Variants in LRFN1 observed in about 807,000 individuals in gnomAD.
LRFN1 encodes the protein leucine rich repeat and fibronectin type III domain containing 1.
In LRFN1, 20 loss-of-function variants were observed where a neutral mutation model predicts 31.8. That is an observed-to-expected ratio of 0.63 (90% CI 0.44 to 0.91). LRFN1 has a LOEUF of 0.91. Ranked by LOEUF, LRFN1 falls within the 40% of genes least tolerant of loss-of-function variation. The pLI is 0.00. For missense variants in LRFN1, 912 were observed against 1,129.8 expected, an observed-to-expected ratio of 0.81 and a Z score of 2.76; for synonymous variants, 514 against 541.3, an observed-to-expected ratio of 0.95 and a Z score of 0.70.
chr19:39,314,220 A>C lies in LRFN1; in HGVS notation c.1117T>G (p.Ser373Ala), dbSNP rs773808919. 1.9e-6 allele frequency: 3 copies of C among 1,613,254 alleles called. No individual in the cohort carries two copies. The highest frequency in any genetic ancestry group is 2.5e-6 in the Non-Finnish European group (3 of 1,179,684). Residue 373 changes from serine (S) to alanine (A), a missense_variant, in exon 4 of 5, where the codon TCC becomes GCC. Transcript: ENST00000248668. ...GCCGTCGCTTCCCCAGCAGCATTGG[A>C]GGCGATACAAGTGAAGGTGCCACTG... is the stretch of plus-strand genomic sequence containing the variant. ...RDSGTFTCIASNAAGEATAPV... is the reference protein window; with the variant it reads ...RDSGTFTCIAANAAGEATAPV...
intron 4 of LRFN1, among the ~76,000 whole-genome samples, chr19:39,311,741 G>C (rs1016257252): frequency 3.3e-5 from 5 of 152,110 alleles, no homozygotes; most frequent in Admixed American, 1.3e-4. Flanking sequence ...GTAAGGCTGG[G>C]CCAGGATCTA....
Position 39,314,134 on chromosome 19 carries a change from C to T in LRFN1, c.1203G>A (p.Pro401=), listed in dbSNP as rs376419442. 3.1e-6 allele frequency: 5 copies of T among 1,611,562 alleles called. No individual in the cohort carries two copies. The highest frequency in any genetic ancestry group is 4.2e-6 in the Non-Finnish European group (5 of 1,179,196). The change falls in exon 4 of 5, where the codon CCG becomes CCA. Residue 401 remains proline, a synonymous_variant. Transcript: ENST00000248668. ...PLMAPPPAAP[P]PLTEPGSSDI... is the part of the protein sequence containing the mutation. Reference sequence around the variant, plus strand: ...CAGAGGAGCCGGGCTCGGTGAGAGGCGGCGGGGCAGCCGGCGGGGGTGCCA... The same window carrying T: ...CAGAGGAGCCGGGCTCGGTGAGAGGTGGCGGGGCAGCCGGCGGGGGTGCCA...
At position 39,308,386 on chromosome 19, in the gene LRFN1, C is replaced by G. The variant is rs2075138173; in HGVS notation, c.1563G>C (p.Pro521=). ...GCVQFTTAGD[P]APCRPLRAHF... ...GGGCCCTCAGCGGGCGGCAGGGCGC[C>G]GGATCCCCAGCGGTGGTGAACTGTA... is the stretch of plus-strand genomic sequence containing the variant. The change falls in exon 5 of 5, where the codon CCG becomes CCC. Residue 521 remains proline, a synonymous_variant. Transcript: ENST00000248668. The surrounding 1 kb of genome is among the most constrained non-coding windows in gnomAD (Gnocchi z 6.2). The G allele has an allele frequency of 6.2e-7, 1 of 1,611,540 alleles. No individual in the cohort carries two copies. Among genetic ancestry groups the G allele is most frequent in the South Asian group, 1.1e-5 (1 of 90,940 alleles).
chr19:39,307,021 C>A lies in LRFN1; in HGVS notation c.*612G>T. 6.3e-6 allele frequency: 2 copies of A among 316,444 alleles called. No individual in the cohort carries two copies. The highest frequency in any genetic ancestry group is 5.7e-6 in the Non-Finnish European group (1 of 174,416). The allele number at this position is 316,444 out of a possible 1,614,324, so 19.6% of individuals were successfully genotyped here. A position where few individuals can be genotyped will look rare whatever the true frequency, so the allele number is the denominator to read the frequency against. On this transcript the variant is annotated 3_prime_UTR_variant, in exon 5 of 5. Transcript: ENST00000248668. The surrounding 1 kb of genome is among the most constrained non-coding windows in gnomAD (Gnocchi z 6.7). ...GACAAAACCAGGGAGGGCCGAGGGA[C>A]AAGAGACGACAGGACAGAGAGAAAG...
intron 4 of LRFN1, 62 bp downstream of exon 4, chr19:39,313,869 G>C (rs2075159537): frequency 1.3e-6 from 2 of 1,488,628 alleles, no homozygotes; most frequent in Admixed American, 3.7e-5. Flanking sequence ...GAATGGGCAG[G>C]TGGGAGGGAG....
rs2075167965 is a variant in LRFN1 at position 39,315,241 on chromosome 19, CTGGCCACG to C, written c.88_95del (p.Arg30AlafsTer126). On this transcript the variant is annotated frameshift_variant, in exon 4 of 5. Coordinates refer to ENST00000248668, the MANE Select transcript of LRFN1 (RefSeq NM_020862.2). LOFTEE classifies it high-confidence loss of function. This position sits in a 1 kb window ranked among gnomAD's most constrained non-coding sequence, Gnocchi z 4.7. ...GGCAGATGCAGCGGCCGGGGCAGGGCTGGCCACGAGATGCCCCCGCCCAGAGCAGCAGC... is the reference window on the plus strand; with the variant it reads ...GGCAGATGCAGCGGCCGGGGCAGGGCAGATGCCCCCGCCCAGAGCAGCAGC... 1.3e-6 allele frequency: 2 copies of C among 1,554,908 alleles called. No individual in the cohort carries two copies. The highest frequency in any genetic ancestry group is 1.7e-6 in the Non-Finnish European group (2 of 1,156,644).
At position 39,308,266 on chromosome 19, in the gene LRFN1, C is replaced by T. The variant is rs776379708; in HGVS notation, c.1683G>A (p.Val561=). Residue 561 remains valine, a synonymous_variant, in exon 5 of 5, where the codon GTG becomes GTA. Coordinates refer to ENST00000248668, the MANE Select transcript of LRFN1 (RefSeq NM_020862.2). This position sits in a 1 kb window ranked among gnomAD's most constrained non-coding sequence, Gnocchi z 6.2. ...FIVLLMIRYK[V]YGDGDSRRVK... ...CGCGGCGGCTGTCCCCGTCGCCATA[C>T]ACCTTATAGCGGATCATGAGCAGAA... 6.2e-7 allele frequency: 1 copy of T among 1,613,154 alleles called. No individual in the cohort carries two copies. Among genetic ancestry groups the T allele is most frequent in the Non-Finnish European group, 8.5e-7 (1 of 1,179,624 alleles).
rs745866127 is a variant in LRFN1 at position 39,308,489 on chromosome 19, C to T, written c.1460G>A (p.Arg487His). 1.2e-6 allele frequency: 2 copies of T among 1,600,718 alleles called. No homozygotes were observed. Among genetic ancestry groups the T allele is most frequent in the Non-Finnish European group, 1.7e-6 (2 of 1,178,092 alleles). ...CGCCAGCACGCACAAGTCGTAGGCA[C>T]GGCCCGCCGCCAGGTCATTCACCAG... The part of the protein sequence containing the change: ...TFLVNDLAAG[R>H]AYDLCVLAVY... The change falls in exon 5 of 5, where the codon CGT (arginine) becomes CAT (histidine). Residue 487 changes from arginine to histidine, a missense_variant. Arg to His is a conservative substitution (Grantham distance 29). Transcript: ENST00000248668. This position sits in a 1 kb window ranked among gnomAD's most constrained non-coding sequence, Gnocchi z 6.2.
chr19:39,308,029 T>C lies in LRFN1; in HGVS notation c.1920A>G (p.Gly640=). ...TASAEPEVVL[G]RSLGGSATSL... is the part of the protein sequence containing the mutation. ...AGGTGGCCGAGCCGCCCAGAGAACG[T>C]CCAAGGACCACCTCCGGCTCCGCGG... The change falls in exon 5 of 5, where the codon GGA becomes GGG. Residue 640 remains glycine (G), a synonymous_variant. Coordinates refer to ENST00000248668, the MANE Select transcript of LRFN1 (RefSeq NM_020862.2). This position sits in a 1 kb window ranked among gnomAD's most constrained non-coding sequence, Gnocchi z 6.2. The C allele has an allele frequency of 6.4e-7, 1 of 1,550,612 alleles. No homozygotes were observed.
rs746264800 is a variant in LRFN1 at position 39,314,467 on chromosome 19, G to A, written c.870C>T (p.Pro290=). ...GGGGCTCACACAGGAACTCCTCCTC[G>A]GGGATGGACCAGAAGTAGCGGTCGG... ...HLTDRYFWSI[P]EEEFLCEPPL... The change falls in exon 4 of 5, where the codon CCC becomes CCT. Residue 290 remains proline (P), a synonymous_variant. Coordinates refer to ENST00000248668, the MANE Select transcript of LRFN1 (RefSeq NM_020862.2). 8 of 1,610,186 alleles carry A rather than the reference G, an allele frequency of 5.0e-6. No individual in the cohort carries two copies. Among genetic ancestry groups the A allele is most frequent in the Admixed American group, 3.3e-5 (2 of 59,730 alleles).
intron 4 of LRFN1, among the ~76,000 whole-genome samples, chr19:39,311,432 A>G (rs927754328): frequency 1.7e-4 from 26 of 152,314 alleles, no homozygotes; most frequent in African/African-American, 6.3e-4. Context: ...GGCTCAGAGC[A>G]AAGGAAAGAG....
rs2075170785 is a variant in LRFN1, at chr19:39,315,882, C to T, written c.-38+200G>A. ...GATAGAATACCCCTGTCCCTACTTG[C>T]GTGTCCCACCCTCACCTCTGCCCCT... On this transcript the variant is annotated intron_variant, in intron 3 of 4. Coordinates refer to ENST00000248668, the MANE Select transcript of LRFN1 (RefSeq NM_020862.2). This position sits in a 1 kb window ranked among gnomAD's most constrained non-coding sequence, Gnocchi z 4.7. Among the ~76,000 whole-genome samples the T allele has an allele frequency of 6.6e-6, 1 of 152,176 alleles. No individual in the cohort carries two copies. The highest frequency in any genetic ancestry group is 2.4e-5 in the African/African-American group (1 of 41,428).
In LRFN1 at chr19:39,313,939, G is replaced by A. The variant is rs1378089944; in HGVS notation, c.1398C>T (p.Leu466=). Residue 466 remains leucine, a synonymous_variant, in exon 4 of 5, where the codon CTC becomes CTT. Transcript: ENST00000248668. ...VQYNSSVDDS[L]VYRMIPSTSQ... Reference sequence around the variant, plus strand: ...GCAGCACCCGCACCCACCTGTAGACGAGGGAGTCATCAACGGAACTGTTGT... The same window carrying A: ...GCAGCACCCGCACCCACCTGTAGACAAGGGAGTCATCAACGGAACTGTTGT... 7.6e-6 allele frequency: 12 copies of A among 1,588,616 alleles called. No homozygotes were observed. In the South Asian group the frequency reaches 1.2e-4, roughly 16 times the overall value.
rs764234635 is a variant in LRFN1 at position 39,314,989 on chromosome 19, C to T, written c.348G>A (p.Arg116=). Residue 116 remains arginine, a synonymous_variant, in exon 4 of 5, where the codon CGG becomes CGA. Transcript: ENST00000248668. ...AGAFADLRAL[R]ALHLDSNRLA... ...GGCGGTTGCTGTCCAGGTGCAGGGC[C>T]CGGAGGGCACGCAGGTCGGCGAAGG... 7.5e-6 allele frequency: 12 copies of T among 1,591,218 alleles called. No homozygotes were observed. In the South Asian group the frequency reaches 7.9e-5, roughly 10 times the overall value.
intron 4 of LRFN1, among the ~76,000 whole-genome samples, chr19:39,310,303 A>G (rs538345973): frequency 9.8e-5 from 15 of 152,306 alleles, no homozygotes; most frequent in African/African-American, 2.9e-4. Flanking sequence ...TTTTCCCCAA[A>G]TGGGGATGAT....
intron 1 of LRFN1, among the ~76,000 whole-genome samples, chr19:39,319,075 G>A (rs1177761108): frequency 6.6e-6 from 1 of 152,140 alleles, no homozygotes; most frequent in Non-Finnish European, 1.5e-5. Context: ...AACCCCCAGA[G>A]ACCAACACCA....
chr19:39,310,788 A>G (rs2075148063), intron 4 of LRFN1, among the ~76,000 whole-genome samples: 1 of 152,146 alleles, frequency 6.6e-6, no homozygotes, highest in African/African-American at 2.4e-5. Flanking sequence ...CCCCTCCAGC[A>G]GAGCCACCTT....
chr19:39,309,492 A>C (rs1287263938), intron 4 of LRFN1, among the ~76,000 whole-genome samples: 3 of 149,202 alleles, frequency 2.0e-5, no homozygotes, highest in East Asian at 1.9e-4. Flanking sequence ...AAAAAAAAAA[A>C]AAAAAAAAAA....
intron 1 of LRFN1, among the ~76,000 whole-genome samples, chr19:39,319,690 C>A (rs1469462272): frequency 6.6e-6 from 1 of 152,124 alleles, no homozygotes; most frequent in Non-Finnish European, 1.5e-5. Context: ...TTCCTCCCAG[C>A]CCTGAGGCAC....
Sources: allele counts gnomAD v4.1 joint callset (sites outside exome capture counted in the v4.1 genomes callset), GRCh38; gene constraint gnomAD v4.1.1; non-coding constraint Gnocchi (gnomAD v3.1); transcripts MANE v1.5; gene names NCBI Gene and HGNC (gene_info 2026-07-23, HGNC 2026-07-21).